GLCCI1: variants seen among roughly 807,000 people sequenced by gnomAD.
GLCCI1 encodes the protein glucocorticoid induced 1, also known as glucocorticoid-induced transcript 1 protein.
GLCCI1 carries 24 observed loss-of-function variants against 52.2 expected under a neutral mutation model. The observed-to-expected ratio is 0.46, with a 90% confidence interval of 0.33 to 0.65. The LOEUF is 0.65. Among genes scored for constraint, GLCCI1 ranks in the 30% least tolerant of loss-of-function variants. The probability of loss-of-function intolerance (pLI) is 0.02; values close to 1 mark genes in which losing one functional copy is unlikely to be tolerated. For synonymous variants in GLCCI1, 310 were observed against 276.5 expected (o/e 1.12, Z -1.20); for missense variants, 704 against 701.5 (o/e 1.00, Z -0.04).
At position 7,969,726 on chromosome 7, in the gene GLCCI1, G is replaced by C; in HGVS notation, c.376G>C (p.Gly126Arg). The change falls in exon 1 of 8, where the codon GGC (glycine) becomes CGC (arginine). Residue 126 changes from glycine (G) to arginine (R), a missense_variant. Coordinates refer to ENST00000223145, the MANE Select transcript of GLCCI1 (RefSeq NM_138426.4). The surrounding 1 kb of genome is among the most constrained non-coding windows in gnomAD (Gnocchi z 4.9). ...GGCCGAGCAGGCGCCGCGGGCCAAG[G>C]GCCGCCCGAGACGGTCCCCAGAGAG... ...APAEQAPRAK[G>R]RPRRSPESHR... The C allele has an allele frequency of 1.4e-6, 2 of 1,419,478 alleles. No homozygotes were observed. The highest frequency in any genetic ancestry group is 1.3e-5 in the South Asian group (1 of 76,194). The allele number at this position is 1,419,478 out of a possible 1,614,324, so 87.9% of individuals were successfully genotyped here. A position where few individuals can be genotyped will look rare whatever the true frequency, so the allele number is the denominator to read the frequency against.
At chr7:7,995,334 C>A (rs1198856240) in intron 1 of GLCCI1, among the ~76,000 whole-genome samples, 4 of 152,086 alleles carry the variant, frequency 2.6e-5, no homozygotes, top group Non-Finnish European at 2.9e-5. Flanking sequence ...TATGGCAAAA[C>A]CCCGTCCTCT....
chr7:8,081,068 C>G (rs1321195920), intron 6 of GLCCI1, among the ~76,000 whole-genome samples: 1 of 151,976 alleles, frequency 6.6e-6, no homozygotes, highest in Non-Finnish European at 1.5e-5. Flanking sequence ...TCAGACTTAC[C>G]CTATGCCATG....
intron 6 of GLCCI1, among the ~76,000 whole-genome samples, chr7:8,072,636 T>C (rs571665374): frequency 6.6e-6 from 1 of 152,172 alleles, no homozygotes; most frequent in Non-Finnish European, 1.5e-5. Context: ...TGATAAATAA[T>C]AGTAACTTGT....
chr7:8,038,711 C>T (rs540963861), intron 3 of GLCCI1, among the ~76,000 whole-genome samples: 2 of 152,090 alleles, frequency 1.3e-5, no homozygotes, highest in Non-Finnish European at 2.9e-5. Flanking sequence ...TTGGCCTAAG[C>T]AAAAAATTTA....
In GLCCI1 at chr7:7,981,842, T is replaced by C. The variant is rs537651460; in HGVS notation, c.457+12035T>C. On this transcript the variant is annotated intron_variant, in intron 1 of 7. Transcript: ENST00000223145. Reference sequence around the variant, plus strand: ...GTAAGCCCAAATAGGAGGCAAAATATAATGTTGTACTAGATGAGCAGGCAG... The same window carrying C: ...GTAAGCCCAAATAGGAGGCAAAATACAATGTTGTACTAGATGAGCAGGCAG... 1.8e-3 allele frequency: 794 copies of C among 433,738 alleles called. 21 individuals are homozygous for C. Among genetic ancestry groups the C allele is most frequent in the South Asian group, 0.013 (767 of 58,744 alleles). The allele number at this position is 433,738 out of a possible 1,614,324, so 26.9% of individuals were successfully genotyped here.
intron 4 of GLCCI1, among the ~76,000 whole-genome samples, chr7:8,057,594 T>G (rs1365183870): frequency 6.6e-6 from 1 of 152,094 alleles, no homozygotes; most frequent in Non-Finnish European, 1.5e-5. Context: ...GTGACTATAC[T>G]AACAAAGCTC....
In GLCCI1 at chr7:8,070,769, A is replaced by G. The variant is rs1282759691; in HGVS notation, c.967-152A>G. 4.7e-6 allele frequency: 3 copies of G among 637,684 alleles called. No homozygotes were observed. The South Asian group carries it at 5.9e-5, about 13-fold the overall frequency. 39.5% of individuals were successfully genotyped at this position (637,684 alleles called of 1,614,324 possible). A position where few individuals can be genotyped will look rare whatever the true frequency, so the allele number is the denominator to read the frequency against. The stretch of plus-strand genomic sequence containing the variant: ...TTCAATAAAGGTAACATACGCAGAA[A>G]TTAGCTTAAGACACAAGCTTGGTCT... On this transcript the variant is annotated intron_variant, in intron 5 of 7. Coordinates refer to ENST00000223145, the MANE Select transcript of GLCCI1 (RefSeq NM_138426.4).
chr7:7,994,041 T>A (rs1017553752), intron 1 of GLCCI1, among the ~76,000 whole-genome samples: 1 of 152,296 alleles, frequency 6.6e-6, no homozygotes, highest in East Asian at 1.9e-4. Context: ...CGTATTGCTA[T>A]AACAGTGTCA....
chr7:8,006,343 G>C (rs1377061961), intron 2 of GLCCI1, among the ~76,000 whole-genome samples: 1 of 152,178 alleles, frequency 6.6e-6, no homozygotes, highest in Non-Finnish European at 1.5e-5. Flanking sequence ...GATAATGCCA[G>C]AGTAGGAGAC....
chr7:8,061,604 A>T (rs956994048), intron 5 of GLCCI1, among the ~76,000 whole-genome samples: 5 of 150,824 alleles, frequency 3.3e-5, no homozygotes, highest in Admixed American at 3.3e-4. Context: ...TATATATATT[A>T]CAACATCAAG....
At chr7:8,042,450 A>T (rs1003297421) in intron 3 of GLCCI1, among the ~76,000 whole-genome samples, 4 of 152,218 alleles carry the variant, frequency 2.6e-5, no homozygotes, top group African/African-American at 9.7e-5. Flanking sequence ...GATGACTTTG[A>T]GGGGTTCAAG....
chr7:8,068,924 C>G (rs921126036), intron 5 of GLCCI1, among the ~76,000 whole-genome samples: 10 of 152,194 alleles, frequency 6.6e-5, no homozygotes, highest in Non-Finnish European at 1.2e-4. Flanking sequence ...TTGAAGTTTG[C>G]ACTCTGATTG....
At chr7:7,980,675 T>A in intron 1 of GLCCI1, 1 of 779,126 alleles carries the variant, frequency 1.3e-6, no homozygotes, top group South Asian at 1.5e-5. Context: ...AAGGGCACAA[T>A]GTCCATGGTG....
At chr7:8,076,175 A>G (rs1372242053) in intron 6 of GLCCI1, among the ~76,000 whole-genome samples, 2 of 152,150 alleles carry the variant, frequency 1.3e-5, no homozygotes, top group Non-Finnish European at 2.9e-5. Context: ...TTTTTTAGAT[A>G]AATCAGCCAA....
At chr7:7,977,489 T>G (rs1369078044) in intron 1 of GLCCI1, among the ~76,000 whole-genome samples, 1 of 152,216 alleles carries the variant, frequency 6.6e-6, no homozygotes, top group South Asian at 2.1e-4. Context: ...ATTTTCCAAA[T>G]GGTTCCATAG....
intron 1 of GLCCI1, among the ~76,000 whole-genome samples, chr7:7,985,541 T>TAAATTA (rs1008188123): frequency 5.9e-5 from 9 of 151,374 alleles, no homozygotes; most frequent in East Asian, 3.9e-4. Context: ...AACTTTAAGT[T>TAAATTA]AAAAAAAAAC....
intron 3 of GLCCI1, among the ~76,000 whole-genome samples, chr7:8,027,599 G>T (rs1471782239): frequency 1.3e-5 from 2 of 151,752 alleles, no homozygotes; most frequent in Non-Finnish European, 2.9e-5. Context: ...AAAATGGCAG[G>T]AGTAAGTTCC....
chr7:8,077,969 T>G (rs907395929), intron 6 of GLCCI1, among the ~76,000 whole-genome samples: 1 of 151,978 alleles, frequency 6.6e-6, no homozygotes, highest in African/African-American at 2.4e-5. Flanking sequence ...GCGCGGTGGC[T>G]CACGCCTGTA....
At chr7:7,983,311 A>G (rs1007901525) in intron 1 of GLCCI1, among the ~76,000 whole-genome samples, 1 of 152,168 alleles carries the variant, frequency 6.6e-6, no homozygotes, top group African/African-American at 2.4e-5. Context: ...TGTTTTGTTC[A>G]TTTTAAAATA....
Sources: gnomAD v4.1 joint callset for allele counts (sites outside exome capture counted in the v4.1 genomes callset) on GRCh38, gnomAD v4.1.1 for gene constraint, Gnocchi (gnomAD v3.1) non-coding constraint, MANE v1.5 for transcripts, NCBI Gene and HGNC (gene_info 2026-07-23, HGNC 2026-07-21) for gene names.